Variants in XPC observed in about 807,000 individuals in gnomAD.
The protein encoded by XPC is DNA repair protein complementing XP-C cells.
In XPC, 76 loss-of-function variants were observed where a neutral mutation model predicts 95.8. The observed-to-expected ratio is 0.79, with a 90% CI of 0.66 to 0.96. The LOEUF (loss-of-function observed/expected upper bound fraction) is 0.96, where lower values mean the gene tolerates loss of function less well. Among genes scored for constraint, XPC ranks in the 40% least tolerant of loss-of-function variants. The pLI, the probability that XPC is intolerant of heterozygous loss-of-function variation, is 0.00. For synonymous variants in XPC, 442 were observed against 442.1 expected, an observed-to-expected ratio of 1.00 and a Z score of 0.00; for missense variants, 1,146 against 1,179.8, an observed-to-expected ratio of 0.97 and a Z score of 0.42.
chr3:14,147,394 G>T lies in XPC; in HGVS notation c.2515-15C>A. 6.3e-7 allele frequency: 1 copy of T among 1,592,572 alleles called. No homozygotes were observed. Among genetic ancestry groups the T allele is most frequent in the Non-Finnish European group, 8.6e-7 (1 of 1,169,374 alleles). On this transcript the variant is annotated splice_polypyrimidine_tract_variant and intron_variant, in intron 14 of 15. Transcript: ENST00000285021. ...TTCTCCTTTTTCTGCAGGCAAAAATGAAGTGGGAGAAAAGTGTTAAGCACT... is the reference window on the plus strand; with the variant it reads ...TTCTCCTTTTTCTGCAGGCAAAAATTAAGTGGGAGAAAAGTGTTAAGCACT...
rs182616621 is a variant in XPC, at chr3:14,158,440, C to A, written c.1443G>T (p.Lys481Asn). ...PAPQRTKAGS[K>N]SASRTHRGSH... The stretch of plus-strand genomic sequence containing the variant: ...TCCCACGATGGGTCCTGGAGGCACT[C>A]TTGGACCCAGCCTTTGTCCTCTGAG... Residue 481 changes from lysine to asparagine, a missense_variant, in exon 9 of 16, where the codon AAG becomes AAT. By Grantham distance (94) the Lys-to-Asn change is moderately conservative. Transcript: ENST00000285021. This position sits in a 1 kb window ranked among gnomAD's most constrained non-coding sequence, Gnocchi z 5.2. 3.2e-3 allele frequency: 5,089 copies of A among 1,613,764 alleles called. 47 individuals are homozygous for A. The highest frequency in any genetic ancestry group is 2.7e-3 in the Non-Finnish European group (3,224 of 1,179,772).
chr3:14,154,874 T>A (rs56108824), intron 10 of XPC, among the ~76,000 whole-genome samples: 1 of 150,338 alleles, frequency 6.7e-6, no homozygotes, highest in East Asian at 2.0e-4. Flanking sequence ...TTATAAAAAA[T>A]TTATAAATAT....
chr3:14,155,946 T>C (rs1008947969), intron 10 of XPC, among the ~76,000 whole-genome samples: 2 of 152,162 alleles, frequency 1.3e-5, no homozygotes, highest in African/African-American at 4.8e-5. Flanking sequence ...TTCCCAGAAC[T>C]TTTTCATCCC....
intron 9 of XPC, 66 bp downstream of exon 9, chr3:14,157,945 C>T (rs898086803): frequency 2.0e-6 from 3 of 1,526,154 alleles, no homozygotes; most frequent in Admixed American, 2.0e-5. Flanking sequence ...ATATAAGGTG[C>T]TCAAAAACAG....
Position 14,164,830 on chromosome 3 carries a change from C to G in XPC, c.883G>C (p.Asp295His). 6.2e-7 allele frequency: 1 copy of G among 1,613,378 alleles called. No homozygotes were observed. The highest frequency in any genetic ancestry group is 8.5e-7 in the Non-Finnish European group (1 of 1,179,680). ...RRFAIYSARD[D>H]EELVHIFLLI... ...TCACTTACATGGACCAATTCCTCAT[C>G]ATCTCGAGCAGAGTAAATAGCAAAT... is the stretch of plus-strand genomic sequence containing the variant. The change falls in exon 7 of 16, where the codon GAT becomes CAT. Residue 295 changes from aspartate to histidine, a missense_variant. Physicochemically the swap from Asp to His is moderately conservative, Grantham distance 81. Coordinates refer to ENST00000285021, the MANE Select transcript of XPC (RefSeq NM_004628.5).
At chr3:14,167,924 T>C (rs972191204) in intron 4 of XPC, among the ~76,000 whole-genome samples, 3 of 152,200 alleles carry the variant, frequency 2.0e-5, no homozygotes. Flanking sequence ...GCTCTTCCAT[T>C]ACTGGCTGAG....
chr3:14,158,263 T>G lies in XPC; in HGVS notation c.1620A>C (p.Glu540Asp). The G allele has an allele frequency of 6.2e-7, 1 of 1,613,996 alleles. No individual in the cohort carries two copies. The highest frequency in any genetic ancestry group is 8.5e-7 in the Non-Finnish European group (1 of 1,179,888). ...QWLEVFCEQE[E>D]KWVCVDCVHG... ...GCACACAGTCTACACATACCCACTT[T>G]TCCTCCTGCTCACAGAACACCTCTA... Residue 540 changes from glutamate to aspartate, a missense_variant, in exon 9 of 16, where the codon GAA (glutamate) becomes GAC (aspartate). Physicochemically the swap from Glu to Asp is conservative, Grantham distance 45. Coordinates refer to ENST00000285021, the MANE Select transcript of XPC (RefSeq NM_004628.5). This position sits in a 1 kb window ranked among gnomAD's most constrained non-coding sequence, Gnocchi z 5.2.
chr3:14,172,952 T>C lies in XPC; in HGVS notation c.214A>G (p.Lys72Glu), dbSNP rs1250574795. The change falls in exon 2 of 16, where the codon AAA (lysine) becomes GAA (glutamate). Residue 72 changes from lysine to glutamate, a missense_variant. Physicochemically the swap from Lys to Glu is moderately conservative, Grantham distance 56 (BLOSUM62 1). Coordinates refer to ENST00000285021, the MANE Select transcript of XPC (RefSeq NM_004628.5). Reference protein sequence around the residue: ...HPGGSADGPAKKKVAKVTVKS... With the variant: ...HPGGSADGPAEKKVAKVTVKS... ...ACAGTCACCTTGGCCACTTTCTTTT[T>C]TGCTGGACCATCTGCTGAACCCCCA... 7 of 1,614,028 alleles carry C rather than the reference T, an allele frequency of 4.3e-6. No homozygotes were observed. Among genetic ancestry groups the C allele is most frequent in the Non-Finnish European group, 5.9e-6 (7 of 1,179,888 alleles).
intron 1 of XPC, among the ~76,000 whole-genome samples, chr3:14,173,494 T>A (rs1696694797): frequency 6.6e-6 from 1 of 152,180 alleles, no homozygotes; most frequent in Non-Finnish European, 1.5e-5. Context: ...ACAACATCAT[T>A]ACTATTAATC....
intron 1 of XPC, 75 bp from the exon 2 acceptor site, chr3:14,173,137 T>A: frequency 2.9e-6 from 4 of 1,394,274 alleles, no homozygotes; most frequent in Non-Finnish European, 3.8e-6. Context: ...GGCAGGGGCA[T>A]AAAACGGCTC....
chr3:14,166,873 G>A (rs147461280), intron 5 of XPC, among the ~76,000 whole-genome samples: 133 of 152,324 alleles, frequency 8.7e-4, no homozygotes, highest in African/African-American at 2.9e-3. Flanking sequence ...CTGCAGCTGG[G>A]ATTAGAATTA....
At chr3:14,175,816 C>T (rs1696792695) in intron 1 of XPC, among the ~76,000 whole-genome samples, 1 of 152,212 alleles carries the variant, frequency 6.6e-6, no homozygotes, top group South Asian at 2.1e-4. Flanking sequence ...TTATTGTCAT[C>T]TGCAGCCCAA....
intron 15 of XPC, among the ~76,000 whole-genome samples, 168 bp from the exon 16 acceptor site, chr3:14,146,327 C>T (rs1381373135): frequency 6.6e-6 from 1 of 151,932 alleles, no homozygotes; most frequent in South Asian, 2.1e-4. Flanking sequence ...CTTACTGAGC[C>T]GTCCCAGCCT....
chr3:14,156,482 T>G lies in XPC; in HGVS notation c.1886A>C (p.His629Pro). Residue 629 changes from histidine (H) to proline (P), a missense_variant, in exon 10 of 16, where the codon CAC becomes CCC. By Grantham distance (77) the His-to-Pro change is moderately conservative (BLOSUM62 -2). Coordinates refer to ENST00000285021, the MANE Select transcript of XPC (RefSeq NM_004628.5). Reference sequence around the variant, plus strand: ...GGCAGTGGGCAAAGGCTGGTCCATGTGTTTAGCCTGAAACTGCAAAGGCCA... The same window carrying G: ...GGCAGTGGGCAAAGGCTGGTCCATGGGTTTAGCCTGAAACTGCAAAGGCCA... Reference protein sequence around the residue: ...KKEDLEFQAKHMDQPLPTAIG... With the variant: ...KKEDLEFQAKPMDQPLPTAIG... The G allele has an allele frequency of 1.2e-6, 2 of 1,614,038 alleles. No individual in the cohort carries two copies. The highest frequency in any genetic ancestry group is 1.7e-6 in the Non-Finnish European group (2 of 1,179,888).
intron 4 of XPC, 49 bp from the exon 5 acceptor site, chr3:14,167,302 A>AGACTC: frequency 6.7e-7 from 1 of 1,501,678 alleles, no homozygotes; most frequent in Non-Finnish European, 9.1e-7. Flanking sequence ...AACTGAAACC[A>AGACTC]GACTCCACTC....
chr3:14,177,990 T>C (rs113857889), intron 1 of XPC, among the ~76,000 whole-genome samples: 2 of 152,168 alleles, frequency 1.3e-5, no homozygotes, highest in Non-Finnish European at 2.9e-5. Flanking sequence ...AGGAAAACCA[T>C]GAGTTCTGCA....
In XPC at chr3:14,145,676, C is replaced by G. The variant is rs1431583665; in HGVS notation, c.*265G>C. 4.3e-6 allele frequency: 3 copies of G among 699,428 alleles called. No individual in the cohort carries two copies. The Middle Eastern group carries it at 1.1e-3, about 255-fold the overall frequency. The allele number at this position is 699,428 out of a possible 1,614,324, so 43.3% of individuals were successfully genotyped here. On this transcript the variant is annotated 3_prime_UTR_variant, in exon 16 of 16. Coordinates refer to ENST00000285021, the MANE Select transcript of XPC (RefSeq NM_004628.5). ...TATCTCCTAGCAAAGTGTTCTGTAG[C>G]TCAAAGGGTGAGTGGGCTTTGGTAG...
At chr3:14,167,935 T>G (rs190897244) in intron 4 of XPC, among the ~76,000 whole-genome samples, 1 of 152,264 alleles carries the variant, frequency 6.6e-6, no homozygotes, top group African/African-American at 2.4e-5. Context: ...ACTGGCTGAG[T>G]GACTCTTGAA....
chr3:14,146,667 G>C (rs184377665), intron 15 of XPC, among the ~76,000 whole-genome samples: 3 of 152,310 alleles, frequency 2.0e-5, no homozygotes, highest in African/African-American at 7.2e-5. Context: ...CCACCAGAGG[G>C]ACTGGAATGA....
Sources: gnomAD v4.1 joint callset for allele counts (sites outside exome capture counted in the v4.1 genomes callset) on GRCh38, gnomAD v4.1.1 for gene constraint, Gnocchi (gnomAD v3.1) non-coding constraint, MANE v1.5 for transcripts, NCBI Gene and HGNC (gene_info 2026-07-23, HGNC 2026-07-21) for gene names.